Variants in KCNH7 observed in about 807,000 individuals in gnomAD.
The protein encoded by KCNH7 is potassium voltage-gated channel subfamily H member 7.
A neutral mutation model predicts 120.8 loss-of-function variants in KCNH7; 49 were observed. The ratio of observed to expected loss-of-function variants is 0.41; its 90% CI spans 0.32 to 0.51. The LOEUF (loss-of-function observed/expected upper bound fraction) is 0.51. KCNH7 is among the 20% of genes least tolerant of loss of function. The pLI is 0.38. For missense variants in KCNH7, 1,097 were observed against 1,446.6 expected (o/e 0.76, Z 3.92); for synonymous variants, 547 against 516.1 (o/e 1.06, Z -0.81).
intron 6 of KCNH7, among the ~76,000 whole-genome samples, chr2:162,475,750 C>A (rs2105662142): frequency 6.6e-6 from 1 of 152,298 alleles, no homozygotes; most frequent in South Asian, 2.1e-4. Context: ...ACCCACCCAC[C>A]AGCAGTGTGT....
chr2:162,429,232 T>C (rs1046150234), intron 8 of KCNH7, among the ~76,000 whole-genome samples: 1 of 151,838 alleles, frequency 6.6e-6, no homozygotes, highest in Admixed American at 6.6e-5. Flanking sequence ...TACAGCAATA[T>C]ATACTTCTAT....
chr2:162,639,698 T>C (rs1262328135), intron 2 of KCNH7, among the ~76,000 whole-genome samples: 1 of 152,112 alleles, frequency 6.6e-6, no homozygotes, highest in Non-Finnish European at 1.5e-5. Context: ...ACAACTCTTA[T>C]TGAACACAGT....
At chr2:162,505,907 A>G (rs757046138) in intron 5 of KCNH7, among the ~76,000 whole-genome samples, 34 of 151,892 alleles carry the variant, frequency 2.2e-4, no homozygotes, top group African/African-American at 8.2e-4. Context: ...ATTTTGGACA[A>G]TAATCAATCA....
Position 162,518,275 on chromosome 2 carries a change from T to C in KCNH7, c.464-117A>G. 3 of 761,580 alleles carry C rather than the reference T, an allele frequency of 3.9e-6. No homozygotes were observed. The Admixed American group carries it at 8.7e-5, about 22-fold the overall frequency. 47.2% of individuals were successfully genotyped at this position (761,580 alleles called of 1,614,324 possible). On this transcript the variant is annotated intron_variant, in intron 3 of 15. Transcript: ENST00000332142. ...TGTAAAAATAATTTTGAATCAATGG[T>C]TATAGTTGGAATAGAGGATATTGTA...
At chr2:162,424,441 GAT>G (rs1687796580) in intron 8 of KCNH7, among the ~76,000 whole-genome samples, 1 of 152,048 alleles carries the variant, frequency 6.6e-6, no homozygotes, top group African/African-American at 2.4e-5. Flanking sequence ...GTCACATCAC[GAT>G]ATATATTCTG....
chr2:162,798,911 A>G (rs974970865), intron 2 of KCNH7, among the ~76,000 whole-genome samples: 3 of 152,018 alleles, frequency 2.0e-5, no homozygotes, highest in Non-Finnish European at 4.4e-5. Context: ...ATAAAAAGCA[A>G]TTACAAATCT....
intron 8 of KCNH7, among the ~76,000 whole-genome samples, chr2:162,431,092 G>A (rs1688049694): frequency 6.6e-6 from 1 of 151,956 alleles, no homozygotes; most frequent in South Asian, 2.1e-4. Context: ...TTTTAAAAAT[G>A]CATATAACAA....
In KCNH7 at chr2:162,745,719, A is replaced by G. The variant is rs919003254; in HGVS notation, c.307+90818T>C. On this transcript the variant is annotated intron_variant, in intron 2 of 15. Coordinates refer to ENST00000332142, the MANE Select transcript of KCNH7 (RefSeq NM_033272.4). ...ACTTTTGAAGTGTTTTTGTTTAATC[A>G]TAATTTAAGACAACCAAAATTTAAA... Among the ~76,000 whole-genome samples the G allele has an allele frequency of 4.6e-5, 7 of 152,204 alleles. No individual in the cohort carries two copies. The South Asian group carries it at 1.0e-3, about 23-fold the overall frequency.
At chr2:162,459,522 A>G (rs1689081171) in intron 6 of KCNH7, among the ~76,000 whole-genome samples, 1 of 152,122 alleles carries the variant, frequency 6.6e-6, no homozygotes, top group Non-Finnish European at 1.5e-5. Context: ...GCCAAAGTTT[A>G]TGACAAGCAG....
intron 2 of KCNH7, among the ~76,000 whole-genome samples, chr2:162,816,386 A>G (rs566069364): frequency 1.3e-5 from 2 of 152,036 alleles, no homozygotes; most frequent in African/African-American, 4.8e-5. Flanking sequence ...TCAAAGAAAA[A>G]TTGACTTTCA....
chr2:162,529,888 A>G (rs961039186), intron 3 of KCNH7, among the ~76,000 whole-genome samples: 5 of 151,882 alleles, frequency 3.3e-5, no homozygotes, highest in African/African-American at 1.2e-4. Flanking sequence ...TTTTGTGTTT[A>G]TATCTATTAT....
chr2:162,675,717 G>A (rs1685511324), intron 2 of KCNH7, among the ~76,000 whole-genome samples: 1 of 151,418 alleles, frequency 6.6e-6, no homozygotes, highest in Non-Finnish European at 1.5e-5. Flanking sequence ...TAAAAAATGA[G>A]AATTATTATA....
chr2:162,492,627 T>C (rs999177814), intron 6 of KCNH7, among the ~76,000 whole-genome samples: 4 of 152,140 alleles, frequency 2.6e-5, no homozygotes, highest in African/African-American at 9.7e-5. Context: ...GAAAATACAT[T>C]GAACACCTTG....
chr2:162,405,976 AAGAT>A (rs1363787513), intron 9 of KCNH7, among the ~76,000 whole-genome samples: 2 of 151,998 alleles, frequency 1.3e-5, no homozygotes, highest in African/African-American at 2.4e-5. Flanking sequence ...TCAAGGAGAA[AAGAT>A]AGATATTCAT....
intron 2 of KCNH7, among the ~76,000 whole-genome samples, chr2:162,577,325 CT>C (rs1693709404): frequency 5.0e-5 from 7 of 141,028 alleles, no homozygotes; most frequent in Admixed American, 2.1e-4. Context: ...ATCTATCTAT[CT>C]ATCTGTCTAT....
chr2:162,708,618 G>C (rs1686803348), intron 2 of KCNH7, among the ~76,000 whole-genome samples: 1 of 152,026 alleles, frequency 6.6e-6, no homozygotes, highest in African/African-American at 2.4e-5. Flanking sequence ...GGGGTGAAAC[G>C]AGGGCTTCTG....
At chr2:162,479,308 A>T (rs1054644847) in intron 6 of KCNH7, among the ~76,000 whole-genome samples, 46 of 152,090 alleles carry the variant, frequency 3.0e-4, no homozygotes, top group Middle Eastern at 6.8e-3. Context: ...TGTATTGATG[A>T]AAGGTTTTAT....
At chr2:162,451,590 T>G (rs1251277456) in intron 6 of KCNH7, among the ~76,000 whole-genome samples, 1 of 151,998 alleles carries the variant, frequency 6.6e-6, no homozygotes, top group Non-Finnish European at 1.5e-5. Flanking sequence ...GGAGCTTGTG[T>G]GGAGAGTCCA....
At chr2:162,372,906 C>T (rs1436840374) in intron 15 of KCNH7, among the ~76,000 whole-genome samples, 1 of 152,130 alleles carries the variant, frequency 6.6e-6, no homozygotes. Flanking sequence ...GCTTCTCTTA[C>T]CATGTTTATC....
Sources: allele counts gnomAD v4.1 joint callset (sites outside exome capture counted in the v4.1 genomes callset), GRCh38; gene constraint gnomAD v4.1.1; transcripts MANE v1.5; gene names NCBI Gene and HGNC (gene_info 2026-07-23, HGNC 2026-07-21).